The following KALRN variants were observed in gnomAD, a reference collection of about 807,000 sequenced individuals.
KALRN encodes the protein kalirin.
In KALRN, 70 loss-of-function variants were observed where a neutral mutation model predicts 353.7. That is an observed-to-expected ratio of 0.20 (90% confidence interval 0.16 to 0.24). The LOEUF is 0.24. Ranked by LOEUF, KALRN falls within the 10% of genes least tolerant of loss-of-function variation. The pLI is 1.00. For missense variants in KALRN, 2,791 were observed against 3,756.7 expected, an observed-to-expected ratio of 0.74 and a Z score of 6.72; for synonymous variants, 1,391 against 1,434.8, an observed-to-expected ratio of 0.97 and a Z score of 0.69.
intron 37 of KALRN, among the ~76,000 whole-genome samples, chr3:124,644,294 C>A (rs2082437363): frequency 6.6e-6 from 1 of 152,100 alleles, no homozygotes; most frequent in Admixed American, 6.6e-5. Context: ...TCCTTCAGGT[C>A]CATCTGTGTT....
intron 49 of KALRN, among the ~76,000 whole-genome samples, chr3:124,675,612 T>C (rs923594454): frequency 2.6e-5 from 4 of 151,596 alleles, no homozygotes; most frequent in African/African-American, 9.7e-5. Context: ...TTTTTGTTGC[T>C]GAAGTTCTGA....
intron 7 of KALRN, among the ~76,000 whole-genome samples, chr3:124,328,205 C>T (rs970932949): frequency 6.6e-5 from 10 of 152,094 alleles, no homozygotes; most frequent in South Asian, 2.1e-4. Context: ...ATCTTTTTGT[C>T]GCCGTTGTTA....
chr3:124,222,551 C>T (rs2078034681), intron 1 of KALRN, among the ~76,000 whole-genome samples: 1 of 152,150 alleles, frequency 6.6e-6, no homozygotes, highest in Non-Finnish European at 1.5e-5. Flanking sequence ...TACTTTAGTA[C>T]ACAACTTCCC....
In KALRN at chr3:124,557,072, T is replaced by A. The variant is rs181707523; in HGVS notation, c.4936-5771T>A. On this transcript the variant is annotated intron_variant, in intron 33 of 59. Transcript: ENST00000682506. ...ACCATTCCCTTCCTGTTAGGTTTTT[T>A]AAGTAATTTCAACTTCCATGTTAGA... Among the ~76,000 whole-genome samples, 728 of 152,364 alleles carry A rather than the reference T, an allele frequency of 4.8e-3. 5 individuals are homozygous for A. The highest frequency in any genetic ancestry group is 7.0e-3 in the Non-Finnish European group (476 of 68,030).
Position 124,347,304 on chromosome 3 carries a change from G to GTGTA in KALRN, c.1770+42_1770+43insATGT. ...TGTGTGTGTGTGTGTGTGTGTGTGT[G>GTGTA]TGTGTGTGTGTGTGTGTCTAGATGA... On this transcript the variant is annotated intron_variant, in intron 10 of 59. Coordinates refer to ENST00000682506, the MANE Select transcript of KALRN (RefSeq NM_001388419.1). The GTGTA allele has an allele frequency of 2.6e-6, 4 of 1,566,114 alleles. No homozygotes were observed. In the South Asian group the frequency reaches 4.5e-5, roughly 18 times the overall value.
rs2039090000 is a variant in KALRN, at chr3:124,033,587, C to T, written c.-154C>T. On this transcript the variant is annotated 5_prime_UTR_variant, in exon 1 of 60. Coordinates refer to ENST00000682506, the MANE Select transcript of KALRN (RefSeq NM_001388419.1). The surrounding 1 kb of genome is among the most constrained non-coding windows in gnomAD (Gnocchi z 6.2). ...GGAGGCTCAGCGTCCTCTGCCCCAG[C>T]CCCGCCGCCCAACGCCCGCCCTCGA... 6.6e-6 allele frequency among the ~76,000 whole-genome samples: 1 copy of T among 151,418 alleles called. No homozygotes were observed. Among genetic ancestry groups the T allele is most frequent in the East Asian group, 2.0e-4 (1 of 5,074 alleles).
chr3:124,116,957 A>C (rs1024316688), intron 1 of KALRN, among the ~76,000 whole-genome samples: 2 of 152,214 alleles, frequency 1.3e-5, no homozygotes, highest in African/African-American at 4.8e-5. Context: ...ACATCTTGGA[A>C]TCTCCTTTGT....
intron 33 of KALRN, among the ~76,000 whole-genome samples, chr3:124,501,030 A>G (rs2064463090): frequency 6.6e-6 from 1 of 152,222 alleles, no homozygotes; most frequent in South Asian, 2.1e-4. Flanking sequence ...TAATAGTTCC[A>G]GTGCATGTAT....
chr3:124,358,583 C>T (rs1187546848), intron 10 of KALRN, among the ~76,000 whole-genome samples: 1 of 152,168 alleles, frequency 6.6e-6, no homozygotes, highest in African/African-American at 2.4e-5. Context: ...AGTATGTTCA[C>T]TGGTTGCCAT....
At chr3:124,373,999 G>T (rs1464863526) in intron 10 of KALRN, among the ~76,000 whole-genome samples, 4 of 152,162 alleles carry the variant, frequency 2.6e-5, no homozygotes, top group Non-Finnish European at 4.4e-5. Context: ...AAAACCCAGG[G>T]CAAGTAGCAG....
intron 33 of KALRN, among the ~76,000 whole-genome samples, chr3:124,541,999 C>A (rs1423246760): frequency 6.6e-6 from 1 of 152,162 alleles, no homozygotes; most frequent in Non-Finnish European, 1.5e-5. Flanking sequence ...AAGCCCAGAT[C>A]TTCTTAGGGT....
At chr3:124,208,840 C>T (rs1027634104) in intron 1 of KALRN, among the ~76,000 whole-genome samples, 1 of 151,746 alleles carries the variant, frequency 6.6e-6, no homozygotes, top group Non-Finnish European at 1.5e-5. Context: ...GTGGTACATG[C>T]CTGTAGTACC....
chr3:124,291,661 C>T (rs1050135243), intron 5 of KALRN, among the ~76,000 whole-genome samples: 11 of 152,036 alleles, frequency 7.2e-5, no homozygotes, highest in South Asian at 4.2e-4. Context: ...TTAGGGGATC[C>T]GTAGCATGTT....
intron 33 of KALRN, among the ~76,000 whole-genome samples, chr3:124,538,682 G>A (rs1016914799): frequency 3.3e-5 from 5 of 152,054 alleles, no homozygotes; most frequent in Admixed American, 3.3e-4. Flanking sequence ...TCAGAATGAC[G>A]ACCCTGTAGC....
chr3:124,543,066 C>T (rs1226505893), intron 33 of KALRN, among the ~76,000 whole-genome samples: 1 of 152,158 alleles, frequency 6.6e-6, no homozygotes, highest in Non-Finnish European at 1.5e-5. Flanking sequence ...CTCTCTAGGG[C>T]TGCTTAAATG....
intron 34 of KALRN, among the ~76,000 whole-genome samples, chr3:124,599,874 T>C (rs2076631173): frequency 6.6e-6 from 1 of 152,240 alleles, no homozygotes; most frequent in Admixed American, 6.5e-5. Flanking sequence ...CACCAACTAG[T>C]GCTTCCATTT....
At chr3:124,068,261 C>A (rs2042543969) in intron 1 of KALRN, among the ~76,000 whole-genome samples, 1 of 152,210 alleles carries the variant, frequency 6.6e-6, no homozygotes, top group Non-Finnish European at 1.5e-5. Flanking sequence ...ATCTGTGGAA[C>A]TCAGTATACT....
At chr3:124,659,696 G>C (rs1453608581) in intron 43 of KALRN, among the ~76,000 whole-genome samples, 1 of 151,982 alleles carries the variant, frequency 6.6e-6, no homozygotes, top group African/African-American at 2.4e-5. Context: ...GTTGTTACTT[G>C]ATTTTATTTT....
chr3:124,049,137 A>G (rs2040803043), intron 1 of KALRN, among the ~76,000 whole-genome samples: 1 of 152,196 alleles, frequency 6.6e-6, no homozygotes, highest in Non-Finnish European at 1.5e-5. Flanking sequence ...CCTGTTTTTC[A>G]GTGTGCCTTA....
Sources: gnomAD v4.1 joint callset for allele counts (sites outside exome capture counted in the v4.1 genomes callset) on GRCh38, gnomAD v4.1.1 for gene constraint, Gnocchi (gnomAD v3.1) non-coding constraint, MANE v1.5 for transcripts, NCBI Gene and HGNC (gene_info 2026-07-23, HGNC 2026-07-21) for gene names.